Variants in ATP8A1 observed in about 807,000 individuals in gnomAD.
ATP8A1 encodes the protein phospholipid-transporting ATPase IA.
ATP8A1 carries 90 observed loss-of-function variants against 177.7 expected under a neutral mutation model. The ratio of observed to expected loss-of-function variants is 0.51; its 90% confidence interval spans 0.43 to 0.60. The LOEUF is 0.60. Ranked by LOEUF, ATP8A1 falls within the 20% of genes least tolerant of loss-of-function variation. The pLI is 0.00. For synonymous variants in ATP8A1, 493 were observed against 485.9 expected, an observed-to-expected ratio of 1.01 and a Z score of -0.19; for missense variants, 1,072 against 1,392.8, an observed-to-expected ratio of 0.77 and a Z score of 3.67.
At chr4:42,550,829 G>C (rs1729432015) in intron 18 of ATP8A1, among the ~76,000 whole-genome samples, 4 of 152,082 alleles carry the variant, frequency 2.6e-5, no homozygotes, top group Admixed American at 1.3e-4. Context: ...TGAAATGTTG[G>C]CTCAAGTCTT....
At chr4:42,604,243 A>G (rs182891355) in intron 5 of ATP8A1, among the ~76,000 whole-genome samples, 1 of 152,188 alleles carries the variant, frequency 6.6e-6, no homozygotes, top group Admixed American at 6.5e-5. Context: ...CTCACCCCCA[A>G]ATCTAAATGA....
rs551628343 is a variant in ATP8A1, at chr4:42,496,027, T to C, written c.2151+7423A>G. ...TCAAGGGTCACAAAATGGAGGCAGGTAGGAAGAGGAAGTTGTAGTGCTGGG... is the reference window on the plus strand; with the variant it reads ...TCAAGGGTCACAAAATGGAGGCAGGCAGGAAGAGGAAGTTGTAGTGCTGGG... On this transcript the variant is annotated intron_variant, in intron 24 of 36. Transcript: ENST00000381668. Among the ~76,000 whole-genome samples, 32 of 152,182 alleles carry C rather than the reference T, an allele frequency of 2.1e-4. 1 individual carries two copies. The highest frequency in any genetic ancestry group is 7.5e-4 in the African/African-American group (31 of 41,520).
rs115759573 is a variant in ATP8A1 at position 42,581,116 on chromosome 4, G to A, written c.834+505C>T. Among the ~76,000 whole-genome samples, 454 of 152,074 alleles carry A rather than the reference G, an allele frequency of 3.0e-3. 5 individuals are homozygous for A. Among genetic ancestry groups the A allele is most frequent in the African/African-American group, 0.01 (425 of 41,518 alleles). ...CCCTGGTGAACCTTCCAGTATTCCC[G>A]TGTGCAGTTAGCCATTCTTTTTTTA... On this transcript the variant is annotated intron_variant, in intron 10 of 36. Coordinates refer to ENST00000381668, the MANE Select transcript of ATP8A1 (RefSeq NM_006095.2).
At chr4:42,548,090 C>G (rs573329291) in intron 19 of ATP8A1, among the ~76,000 whole-genome samples, 1 of 152,332 alleles carries the variant, frequency 6.6e-6, no homozygotes, top group South Asian at 2.1e-4. Context: ...CTGATTATAA[C>G]TGAAGGGATC....
chr4:42,439,671 C>T (rs557347055), intron 33 of ATP8A1, among the ~76,000 whole-genome samples: 4 of 152,226 alleles, frequency 2.6e-5, no homozygotes, highest in East Asian at 1.9e-4. Context: ...AGAACAAGAC[C>T]GCTGCAATGT....
At chr4:42,431,184 T>C (rs1421289719) in intron 33 of ATP8A1, among the ~76,000 whole-genome samples, 2 of 152,210 alleles carry the variant, frequency 1.3e-5, no homozygotes, top group African/African-American at 2.4e-5. Context: ...ATTTTTATTA[T>C]AAAATTTAAA....
At chr4:42,564,018 CAAG>C (rs973905588) in intron 15 of ATP8A1, among the ~76,000 whole-genome samples, 4 of 152,176 alleles carry the variant, frequency 2.6e-5, no homozygotes, top group Admixed American at 2.6e-4. Context: ...TCACTTGAAC[CAAG>C]GAGGAAAAGG....
intron 20 of ATP8A1, 62 bp downstream of exon 20, chr4:42,543,846 ATAGAATGCC>A: frequency 8.8e-7 from 1 of 1,135,060 alleles, no homozygotes; most frequent in Non-Finnish European, 1.2e-6. Context: ...TTACATTTCC[ATAGAATGCC>A]TAACATATAC....
rs78976862 is a variant in ATP8A1, at chr4:42,559,077, T to C, written c.1341-3037A>G. ...GCTGGTGGTGTGTAATCCCAGCTAC[T>C]TGGGAGGCAGAAGTGGGAGGATCCC... On this transcript the variant is annotated intron_variant, in intron 15 of 36. Transcript: ENST00000381668. Among the ~76,000 whole-genome samples the C allele has an allele frequency of 1.9e-3, 282 of 152,224 alleles. 1 individual carries two copies. The highest frequency in any genetic ancestry group is 6.5e-3 in the African/African-American group (272 of 41,532).
At chr4:42,586,145 G>C (rs747781800) in intron 9 of ATP8A1, among the ~76,000 whole-genome samples, 8 of 152,092 alleles carry the variant, frequency 5.3e-5, no homozygotes, top group Non-Finnish European at 7.3e-5. Flanking sequence ...AGGAACTCTG[G>C]GAAGTCATCA....
intron 22 of ATP8A1, among the ~76,000 whole-genome samples, chr4:42,515,020 TA>T (rs900362002): frequency 1.6e-4 from 24 of 152,258 alleles, no homozygotes; most frequent in African/African-American, 5.8e-4. Flanking sequence ...ATGCAAAAAC[TA>T]AAAAAGATGA....
At chr4:42,444,184 C>T (rs1419644064) in intron 32 of ATP8A1, among the ~76,000 whole-genome samples, 2 of 152,146 alleles carry the variant, frequency 1.3e-5, no homozygotes, top group Non-Finnish European at 2.9e-5. Context: ...TTGTCAATGT[C>T]TGAGGACAAA....
intron 25 of ATP8A1, among the ~76,000 whole-genome samples, chr4:42,467,232 G>A (rs1013955638): frequency 1.3e-5 from 2 of 152,192 alleles, no homozygotes; most frequent in South Asian, 4.1e-4. Context: ...AAAATTGGCT[G>A]AGGATTTTCA....
chr4:42,566,372 G>A (rs568837881), intron 15 of ATP8A1, among the ~76,000 whole-genome samples: 2 of 152,270 alleles, frequency 1.3e-5, no homozygotes, highest in South Asian at 2.1e-4. Flanking sequence ...TGGATTTATA[G>A]AGTCATCTAT....
intron 1 of ATP8A1, among the ~76,000 whole-genome samples, chr4:42,640,924 G>C (rs1052993547): frequency 1.3e-5 from 2 of 151,812 alleles, no homozygotes; most frequent in African/African-American, 2.4e-5. Context: ...AGGTGGGCTG[G>C]AGGGAGCATC....
chr4:42,422,726 TCTTATC>T (rs1577900636), intron 35 of ATP8A1, 75 bp downstream of exon 35: 2 of 1,100,232 alleles, frequency 1.8e-6, no homozygotes, highest in East Asian at 4.9e-5. Context: ...CAAATACAAG[TCTTATC>T]ACTTATTTCC....
chr4:42,588,474 A>G, intron 7 of ATP8A1, 145 bp from the exon 8 acceptor site: 2 of 645,526 alleles, frequency 3.1e-6, no homozygotes, highest in Admixed American at 3.2e-5. Flanking sequence ...TCATTCTAAC[A>G]GCAAGATGCT....
intron 24 of ATP8A1, among the ~76,000 whole-genome samples, chr4:42,488,687 A>G (rs17592919): frequency 0.15 from 23,254 of 152,164 alleles, 2,217 homozygotes; most frequent in South Asian, 0.24. Context: ...TTTCCTTCCC[A>G]GTGCCCTTCA....
intron 16 of ATP8A1, among the ~76,000 whole-genome samples, chr4:42,555,745 T>C (rs996295510): frequency 5.1e-4 from 78 of 151,978 alleles, no homozygotes; most frequent in African/African-American, 1.6e-3. Flanking sequence ...AATGGCTTGA[T>C]TCTGGGAGGC....
Sources: allele counts gnomAD v4.1 joint callset (sites outside exome capture counted in the v4.1 genomes callset), GRCh38; gene constraint gnomAD v4.1.1; transcripts MANE v1.5; gene names NCBI Gene and HGNC (gene_info 2026-07-23, HGNC 2026-07-21).